FGF13: variants seen among roughly 807,000 people sequenced by gnomAD.
FGF13 encodes the protein fibroblast growth factor 13.
Under a neutral mutation model 19.5 loss-of-function variants are expected in FGF13, and 2 were observed. The ratio of observed to expected loss-of-function variants is 0.10; its 90% CI spans 0.04 to 0.32. The LOEUF (loss-of-function observed/expected upper bound fraction) is 0.32. FGF13 is among the 10% of genes least tolerant of loss of function. FGF13 has a pLI of 1.00. For synonymous variants in FGF13, 72 were observed against 76.9 expected (o/e 0.94, Z 0.33); for missense variants, 113 against 192.7 (o/e 0.59, Z 2.45).
intron 1 of FGF13, among the ~76,000 whole-genome samples, chrX:138,984,585 A>AAGAAGG: frequency 5.5e-5 from 1 of 18,342 alleles, no homozygotes; most frequent in East Asian, 2.2e-3. Flanking sequence ...GAAGAAGAAG[A>AAGAAGG]AGAAGGAGGA....
intron 3 of FGF13, among the ~76,000 whole-genome samples, chrX:138,840,648 T>C (rs1473158580): frequency 9.0e-6 from 1 of 111,495 alleles, no homozygotes; most frequent in Non-Finnish European, 1.9e-5. Flanking sequence ...GAAGGAAATA[T>C]AGGTAGAAGA....
At chrX:138,818,342 G>A (rs781587229) in intron 3 of FGF13, among the ~76,000 whole-genome samples, 1 of 110,118 alleles carries the variant, frequency 9.1e-6, no homozygotes, top group African/African-American at 3.3e-5. Context: ...ACTACTTACG[G>A]TATCTCAGTC....
rs193090669 is a variant in FGF13, at chrX:139,083,956, G to A, written c.-113+119460C>T. Among the ~76,000 whole-genome samples the A allele has an allele frequency of 4.0e-4, 44 of 111,232 alleles. No homozygotes were observed. In the East Asian group the frequency reaches 0.012, roughly 29 times the overall value. ...GTATACAGGATCTGCACAGTGCTCAGGAAGCCAGTCAGCCTTTTCAGTCGG... is the reference window on the plus strand; with the variant it reads ...GTATACAGGATCTGCACAGTGCTCAAGAAGCCAGTCAGCCTTTTCAGTCGG... On this transcript the variant is annotated intron_variant, in intron 1 of 2. Coordinates refer to the FGF13 transcript ENST00000421460.
chrX:138,980,185 T>C lies in FGF13; in HGVS notation c.-112-115535A>G, dbSNP rs193027280. Among the ~76,000 whole-genome samples, 948 of 111,431 alleles carry C rather than the reference T, an allele frequency of 8.5e-3. 11 individuals carry two copies. Among genetic ancestry groups the C allele is most frequent in the African/African-American group, 0.03 (906 of 30,653 alleles). On this transcript the variant is annotated intron_variant, in intron 1 of 2. Transcript: ENST00000421460. The stretch of plus-strand genomic sequence containing the variant: ...GAGGGGATATAAGCAAAAAGAGAAA[T>C]TGAGGATCACCAAAATAGATATTCT...
At chrX:138,813,202 G>A (rs2090939175) in intron 3 of FGF13, among the ~76,000 whole-genome samples, 1 of 111,555 alleles carries the variant, frequency 9.0e-6, no homozygotes, top group Non-Finnish European at 1.9e-5. Flanking sequence ...TGGGATTGCT[G>A]GGTCAAATGG....
At chrX:139,092,613 C>T (rs994336448) in intron 1 of FGF13, among the ~76,000 whole-genome samples, 1 of 111,821 alleles carries the variant, frequency 8.9e-6, no homozygotes, top group Admixed American at 9.5e-5. Context: ...TCAGGATCGG[C>T]GCTACTTGGC....
chrX:139,179,654 T>C lies in FGF13; in HGVS notation c.-113+23762A>G, dbSNP rs145319494. Among the ~76,000 whole-genome samples the C allele has an allele frequency of 8.2e-4, 92 of 112,472 alleles. 1 individual carries two copies. The East Asian group carries it at 0.016, about 19-fold the overall frequency. ...ATATAACAGAAACAACCTCACAAGA[T>C]TGCTATGAGGATTAAACCTGCCTCA... On this transcript the variant is annotated intron_variant, in intron 1 of 2. Coordinates refer to the FGF13 transcript ENST00000421460.
chrX:138,838,391 C>T (rs1031417023), intron 3 of FGF13, among the ~76,000 whole-genome samples: 3 of 111,911 alleles, frequency 2.7e-5, no homozygotes, highest in African/African-American at 6.5e-5. Context: ...GCAGAAACTC[C>T]GTGTAGCTCT....
chrX:138,663,249 T>C (rs768191474), intron 3 of FGF13, among the ~76,000 whole-genome samples: 3 of 111,887 alleles, frequency 2.7e-5, no homozygotes, highest in Non-Finnish European at 3.8e-5. Flanking sequence ...ATTGAAATGA[T>C]TGTGTATTTT....
intron 1 of FGF13, among the ~76,000 whole-genome samples, chrX:139,154,541 T>C (rs2083962184): frequency 8.9e-6 from 1 of 112,108 alleles, no homozygotes; most frequent in Non-Finnish European, 1.9e-5. Context: ...CCAGAACAAT[T>C]ACCGCTTGTA....
chrX:139,068,327 T>C (rs2092364124), intron 1 of FGF13, among the ~76,000 whole-genome samples: 1 of 102,835 alleles, frequency 9.7e-6, no homozygotes, highest in Non-Finnish European at 1.9e-5. Context: ...AGGGCTCTGT[T>C]CTGTTCCATG....
chrX:139,105,232 T>C (rs973789234), intron 1 of FGF13, among the ~76,000 whole-genome samples: 1 of 111,074 alleles, frequency 9.0e-6, no homozygotes, highest in African/African-American at 3.3e-5. Flanking sequence ...ATGCTACAAT[T>C]GACATCTATA....
At chrX:139,003,763 CGATTGGTGTATTTACAATCCCTGAGCTA>C (rs2092086187) in intron 1 of FGF13, among the ~76,000 whole-genome samples, 1 of 109,482 alleles carries the variant, frequency 9.1e-6, no homozygotes, top group African/African-American at 3.3e-5. Flanking sequence ...TACAGAGTGC[CGATTGGTGTATTTACAATCCCTGAGCTA>C]GACATAAACG....
At chrX:138,937,882 C>A (rs1001640769) in intron 1 of FGF13, among the ~76,000 whole-genome samples, 2 of 111,644 alleles carry the variant, frequency 1.8e-5, no homozygotes, top group Non-Finnish European at 3.8e-5. Flanking sequence ...GAAATATAGA[C>A]GTCAACTGCA....
At chrX:138,672,065 A>T (rs61430243) in intron 3 of FGF13, among the ~76,000 whole-genome samples, 3,954 of 108,532 alleles carry the variant, frequency 0.036, 155 homozygotes, top group African/African-American at 0.12. Context: ...CGGCAGGAAA[A>T]CTGATATGAC....
At chrX:139,002,040 G>C (rs1411496723) in intron 1 of FGF13, among the ~76,000 whole-genome samples, 2 of 111,373 alleles carry the variant, frequency 1.8e-5, no homozygotes, top group Non-Finnish European at 3.8e-5. Context: ...GTCCTTTGCA[G>C]GGACATGGAT....
chrX:138,808,630 T>G (rs2090892733), intron 3 of FGF13, among the ~76,000 whole-genome samples: 1 of 110,344 alleles, frequency 9.1e-6, no homozygotes, highest in African/African-American at 3.3e-5. Context: ...AAAAAACCCT[T>G]AAAAAAATCA....
At chrX:138,768,980 G>A (rs373509255) in intron 3 of FGF13, among the ~76,000 whole-genome samples, 1 of 109,499 alleles carries the variant, frequency 9.1e-6, no homozygotes, top group South Asian at 3.9e-4. Flanking sequence ...GTGTCTAATT[G>A]TGTTATGCTG....
intron 1 of FGF13, among the ~76,000 whole-genome samples, chrX:139,000,720 G>C (rs188298999): frequency 2.1e-4 from 23 of 112,003 alleles, no homozygotes; most frequent in Non-Finnish European, 4.1e-4. Flanking sequence ...CCATGCTCAT[G>C]GATAGGAAGA....
Sources: gnomAD v4.1 joint callset for allele counts (sites outside exome capture counted in the v4.1 genomes callset) on GRCh38, gnomAD v4.1.1 for gene constraint, MANE v1.5 for transcripts, NCBI Gene and HGNC (gene_info 2026-07-23, HGNC 2026-07-21) for gene names.